The following NFIB variants were observed in gnomAD, a reference collection of about 807,000 sequenced individuals.
The protein encoded by NFIB is nuclear factor 1 B-type.
Under a neutral mutation model 61.5 loss-of-function variants are expected in NFIB, and 11 were observed. That is an observed-to-expected ratio of 0.18 (90% CI 0.11 to 0.30). The LOEUF is 0.30. NFIB is among the 10% of genes least tolerant of loss of function. NFIB has a pLI of 1.00. For synonymous variants in NFIB, 260 were observed against 216.5 expected (o/e 1.20, Z -1.76); for missense variants, 471 against 608.9 (o/e 0.77, Z 2.38).
chr9:14,502,559 C>G, the NFIB span, among the ~76,000 whole-genome samples: 9 of 152,270 alleles, frequency 5.9e-5, no homozygotes, highest in South Asian at 1.5e-3. Flanking sequence ...TAAATGGGTA[C>G]GTAAGTCATC....
chr9:14,468,392 G>A, the NFIB span, among the ~76,000 whole-genome samples: 1 of 152,110 alleles, frequency 6.6e-6, no homozygotes, highest in Non-Finnish European at 1.5e-5. Flanking sequence ...AGGGGAAGGG[G>A]GTCATTTCCA....
rs541127155 is a variant in NFIB, at chr9:14,288,979, A to C, written c.562+18010T>G. Among the ~76,000 whole-genome samples, 13 of 151,768 alleles carry C rather than the reference A, an allele frequency of 8.6e-5. No individual in the cohort carries two copies. The East Asian group carries it at 2.1e-3, about 25-fold the overall frequency. ...CCTACTTCTTTGACTATATGATGAT[A>C]CATACGGAATCATATTAAACACATA... is the stretch of plus-strand genomic sequence containing the variant. On this transcript the variant is annotated intron_variant, in intron 2 of 10. Coordinates refer to ENST00000380953, the MANE Select transcript of NFIB (RefSeq NM_001190737.2).
In NFIB at chr9:14,235,344, G is replaced by C. The variant is rs551219836; in HGVS notation, c.563-55564C>G. ...TCCCAGTATTGCCAGCCCCGACCTT[G>C]TTCCTCACCAGCTGTAAAAGCCTGT... On this transcript the variant is annotated intron_variant, in intron 2 of 10. Transcript: ENST00000380953. Among the ~76,000 whole-genome samples the C allele has an allele frequency of 1.1e-4, 16 of 152,274 alleles. No individual in the cohort carries two copies. The South Asian group carries it at 3.1e-3, about 30-fold the overall frequency.
At chr9:14,191,157 A>T (rs755059588) in intron 2 of NFIB, among the ~76,000 whole-genome samples, 5 of 151,952 alleles carry the variant, frequency 3.3e-5, no homozygotes, top group Non-Finnish European at 7.4e-5. Flanking sequence ...GTGAAACTCC[A>T]CCTCTACTAA....
At position 14,088,141 on chromosome 9, in the gene NFIB, C is replaced by CTTTTT; in HGVS notation, c.*163_*167dup. ...TGTTTTGTCCAGTCTTCCTCTTTTCCTTTTTTTTTATTTAAAAAAAAAATT... is the reference window on the plus strand; with the variant it reads ...TGTTTTGTCCAGTCTTCCTCTTTTCCTTTTTTTTTTTTTTATTTAAAAAAAAAATT... On this transcript the variant is annotated 3_prime_UTR_variant, in exon 11 of 11. Coordinates refer to ENST00000380953, the MANE Select transcript of NFIB (RefSeq NM_001190737.2). 2 of 1,354,262 alleles carry CTTTTT rather than the reference C, an allele frequency of 1.5e-6. No individual in the cohort carries two copies. Among genetic ancestry groups the CTTTTT allele is most frequent in the Non-Finnish European group, 9.7e-7 (1 of 1,029,194 alleles). 83.9% of individuals were successfully genotyped at this position (1,354,262 alleles called of 1,614,324 possible).
At chr9:14,418,411 T>C in the NFIB span, among the ~76,000 whole-genome samples, 40 of 152,174 alleles carry the variant, frequency 2.6e-4, no homozygotes, top group Non-Finnish European at 2.5e-4. Flanking sequence ...CCACTGTTAC[T>C]AGAATTACAA....
rs1231414507 is a variant in NFIB, at chr9:14,179,652, G to A, written c.616+75C>T. The A allele has an allele frequency of 4.0e-6, 6 of 1,492,978 alleles. No individual in the cohort carries two copies. In the African/African-American group the frequency reaches 4.2e-5, roughly 10 times the overall value. The allele number at this position is 1,492,978 out of a possible 1,614,324, so 92.5% of individuals were successfully genotyped here. ...CAAAATAGGCAGCTGACCAATTATG[G>A]GGTGTTTATCTATACAGTGGTACCT... is the stretch of plus-strand genomic sequence containing the variant. On this transcript the variant is annotated intron_variant, in intron 3 of 10. Transcript: ENST00000380953.
At chr9:14,238,359 G>A (rs571026814) in intron 2 of NFIB, among the ~76,000 whole-genome samples, 78 of 152,278 alleles carry the variant, frequency 5.1e-4, no homozygotes, top group African/African-American at 1.7e-3. Flanking sequence ...AAATATAAAT[G>A]AGACTACTCA....
the NFIB span, among the ~76,000 whole-genome samples, chr9:14,509,883 T>A: frequency 6.6e-6 from 1 of 152,232 alleles, no homozygotes; most frequent in Non-Finnish European, 1.5e-5. Flanking sequence ...AGACTCATTT[T>A]ATTTTTTACA....
At chr9:14,177,135 A>C (rs552802952) in intron 3 of NFIB, among the ~76,000 whole-genome samples, 1 of 152,312 alleles carries the variant, frequency 6.6e-6, no homozygotes, top group African/African-American at 2.4e-5. Flanking sequence ...TTGTGGTGGT[A>C]GACTGAATTT....
At chr9:14,328,707 C>A (rs2060784959) in intron 1 of NFIB, among the ~76,000 whole-genome samples, 1 of 151,712 alleles carries the variant, frequency 6.6e-6, no homozygotes, top group Admixed American at 6.6e-5. Flanking sequence ...ACTTAATTTT[C>A]TATTTGTATT....
the NFIB span, among the ~76,000 whole-genome samples, chr9:14,472,290 T>C: frequency 6.6e-6 from 1 of 152,198 alleles, no homozygotes; most frequent in Middle Eastern, 3.2e-3. Flanking sequence ...CGAAAGTGTA[T>C]TGTTCTCAAC....
intron 2 of NFIB, among the ~76,000 whole-genome samples, chr9:14,228,309 C>G (rs2131901378): frequency 6.6e-6 from 1 of 151,866 alleles, no homozygotes; most frequent in South Asian, 2.1e-4. Context: ...ATTTTCCCAC[C>G]TCAGCCTCTC....
the NFIB span, among the ~76,000 whole-genome samples, chr9:14,507,417 A>G: frequency 6.6e-6 from 1 of 152,242 alleles, no homozygotes; most frequent in African/African-American, 2.4e-5. Flanking sequence ...CAACCATTTC[A>G]GTAGGTTTAT....
the NFIB span, among the ~76,000 whole-genome samples, chr9:14,522,829 G>GTTCA: frequency 1.3e-5 from 2 of 152,130 alleles, no homozygotes; most frequent in Non-Finnish European, 2.9e-5. Flanking sequence ...AACTGTTGAA[G>GTTCA]GTGAAGACTG....
chr9:14,476,806 C>T, the NFIB span, among the ~76,000 whole-genome samples: 2 of 152,078 alleles, frequency 1.3e-5, no homozygotes, highest in African/African-American at 2.4e-5. Context: ...TGTTGAAAGA[C>T]CAGGACCATT....
intron 2 of NFIB, among the ~76,000 whole-genome samples, chr9:14,216,542 CCCTCTGTGTGTG>C (rs1176796447): frequency 3.4e-5 from 1 of 29,464 alleles, no homozygotes; most frequent in East Asian, 6.9e-4. Flanking sequence ...CTCTCTCTCT[CCCTCTGTGTGTG>C]TGTGTGTGTG....
chr9:14,130,364 A>T (rs1650650518), intron 6 of NFIB, among the ~76,000 whole-genome samples: 1 of 152,192 alleles, frequency 6.6e-6, no homozygotes, highest in Admixed American at 6.5e-5. Context: ...TCCCTGATCT[A>T]TGACATTCCC....
chr9:14,257,245 G>C (rs1423389350), intron 2 of NFIB, among the ~76,000 whole-genome samples: 13 of 152,172 alleles, frequency 8.5e-5, no homozygotes. Flanking sequence ...ATATAAAACT[G>C]AGTATAGTCC....
Sources: gnomAD v4.1 joint callset for allele counts (sites outside exome capture counted in the v4.1 genomes callset) on GRCh38, gnomAD v4.1.1 for gene constraint, MANE v1.5 for transcripts, NCBI Gene and HGNC (gene_info 2026-07-23, HGNC 2026-07-21) for gene names.